The following C16orf78 variants were observed in gnomAD, a reference collection of about 807,000 sequenced individuals.
The protein encoded by C16orf78 is chromosome 16 open reading frame 78.
A neutral mutation model predicts 27.3 loss-of-function variants in C16orf78; 19 were observed. That is an observed-to-expected ratio of 0.70 (90% CI 0.49 to 1.02). The LOEUF (loss-of-function observed/expected upper bound fraction) is 1.02, where lower values mean the gene tolerates loss of function less well. C16orf78 is among the 50% of genes least tolerant of loss of function. The pLI, the probability that C16orf78 is intolerant of heterozygous loss-of-function variation, is 0.00. For missense variants in C16orf78, 339 were observed against 337.0 expected (o/e 1.01, Z -0.05); for synonymous variants, 130 against 116.1 (o/e 1.12, Z -0.77).
chr16:49,376,366 T>C (rs1302305502), intron 1 of C16orf78, among the ~76,000 whole-genome samples: 1 of 152,196 alleles, frequency 6.6e-6, no homozygotes, highest in Non-Finnish European at 1.5e-5. Flanking sequence ...CATCGCCATG[T>C]CAATTCCGCT....
At chr16:49,396,744 C>T in intron 4 of C16orf78, 66 bp downstream of exon 4, 1 of 1,549,848 alleles carries the variant, frequency 6.5e-7, no homozygotes, top group Non-Finnish European at 8.6e-7. Flanking sequence ...CACTCTTGTC[C>T]CTGGCTCAAA....
In C16orf78 at chr16:49,391,688, G is replaced by A. The variant is rs187946131; in HGVS notation, c.395-4735G>A. Among the ~76,000 whole-genome samples, 10 of 152,318 alleles carry A rather than the reference G, an allele frequency of 6.6e-5. No homozygotes were observed. In the East Asian group the frequency reaches 1.7e-3, roughly 26 times the overall value. On this transcript the variant is annotated intron_variant, in intron 3 of 4. Coordinates refer to ENST00000299191, the MANE Select transcript of C16orf78 (RefSeq NM_144602.4). The stretch of plus-strand genomic sequence containing the variant: ...CCAGAAAGCCCTTGAACACTGCCTG[G>A]TATGTGAGTCACTCAACACATGTTA...
intron 2 of C16orf78, among the ~76,000 whole-genome samples, chr16:49,378,069 C>T (rs571855527): frequency 3.9e-5 from 6 of 152,196 alleles, no homozygotes; most frequent in Non-Finnish European, 7.4e-5. Context: ...ATTCTTCACA[C>T]GTGTCACATC....
intron 3 of C16orf78, among the ~76,000 whole-genome samples, chr16:49,387,761 A>G (rs146922967): frequency 7.6e-4 from 115 of 152,238 alleles, no homozygotes; most frequent in African/African-American, 2.6e-3. Flanking sequence ...TCAGGGATTC[A>G]GTTTCTTCCT....
chr16:49,378,121 C>T (rs1298422213), intron 2 of C16orf78, among the ~76,000 whole-genome samples: 1 of 152,160 alleles, frequency 6.6e-6, no homozygotes, highest in Non-Finnish European at 1.5e-5. Flanking sequence ...TCAAGAAGGC[C>T]ACTTGGAAGA....
At chr16:49,376,734 A>G (rs1310270507) in intron 1 of C16orf78, among the ~76,000 whole-genome samples, 1 of 151,994 alleles carries the variant, frequency 6.6e-6, no homozygotes, top group African/African-American at 2.4e-5. Flanking sequence ...GCATGTCGTA[A>G]TTCAGTTATT....
chr16:49,386,672 C>G (rs755582431), intron 3 of C16orf78, among the ~76,000 whole-genome samples: 6 of 152,132 alleles, frequency 3.9e-5, no homozygotes, highest in Admixed American at 6.5e-5. Flanking sequence ...TCATTTGTCT[C>G]CCACTTATTA....
chr16:49,392,702 C>T (rs1049942525), intron 3 of C16orf78, among the ~76,000 whole-genome samples: 7 of 152,056 alleles, frequency 4.6e-5, no homozygotes, highest in African/African-American at 1.4e-4. Context: ...TATTTTATTT[C>T]GACTTTTAGG....
chr16:49,381,026 G>T (rs1185335144), intron 3 of C16orf78, among the ~76,000 whole-genome samples: 1 of 150,566 alleles, frequency 6.6e-6, no homozygotes, highest in Non-Finnish European at 1.5e-5. Context: ...TGCTGTTTTG[G>T]TTACTGTAGC....
At chr16:49,385,540 A>G (rs1458138790) in intron 3 of C16orf78, among the ~76,000 whole-genome samples, 1 of 151,936 alleles carries the variant, frequency 6.6e-6, no homozygotes, top group Admixed American at 6.6e-5. Flanking sequence ...CATGCGCCTC[A>G]GCTACTCGGG....
intron 3 of C16orf78, among the ~76,000 whole-genome samples, chr16:49,380,166 C>T (rs1012282710): frequency 5.3e-5 from 8 of 152,282 alleles, no homozygotes; most frequent in Non-Finnish European, 8.8e-5. Context: ...GCTGCACTGT[C>T]GGCTTCCCTA....
intron 4 of C16orf78, among the ~76,000 whole-genome samples, chr16:49,398,162 G>A (rs957027244): frequency 6.6e-6 from 1 of 152,152 alleles, no homozygotes; most frequent in Non-Finnish European, 1.5e-5. Flanking sequence ...TTGGTGAGGG[G>A]GTCTGAGCTG....
chr16:49,396,254 AG>A (rs1391064132), intron 3 of C16orf78, among the ~76,000 whole-genome samples, 168 bp from the exon 4 acceptor site: 1 of 152,124 alleles, frequency 6.6e-6, no homozygotes, highest in African/African-American at 2.4e-5. Flanking sequence ...AAAAAAAGAA[AG>A]GGGAGAAGGG....
intron 1 of C16orf78, 148 bp downstream of exon 1, chr16:49,374,237 A>C: frequency 1.1e-6 from 1 of 930,980 alleles, no homozygotes; most frequent in Non-Finnish European, 1.6e-6. Context: ...CAAGGACATT[A>C]AGGGGGTGGG....
intron 3 of C16orf78, among the ~76,000 whole-genome samples, chr16:49,379,546 T>C (rs1340122001): frequency 6.6e-6 from 1 of 152,062 alleles, no homozygotes; most frequent in Non-Finnish European, 1.5e-5. Flanking sequence ...GTGACCAAAT[T>C]GCAGTCACTT....
chr16:49,374,221 A>C lies in C16orf78; in HGVS notation c.150+132A>C. 3.6e-6 allele frequency: 4 copies of C among 1,099,288 alleles called. No individual in the cohort carries two copies. The South Asian group carries it at 6.5e-5, about 18-fold the overall frequency. The allele number at this position is 1,099,288 out of a possible 1,614,324, so 68.1% of individuals were successfully genotyped here. ...GAAGTGCTGGGATAAGCTAGTGAGA[A>C]CTACCCAAGGACATTAAGGGGGTGG... On this transcript the variant is annotated intron_variant, in intron 1 of 4. Transcript: ENST00000299191.
intron 3 of C16orf78, among the ~76,000 whole-genome samples, chr16:49,391,524 T>C (rs1174058230): frequency 6.6e-6 from 1 of 152,212 alleles, no homozygotes; most frequent in Non-Finnish European, 1.5e-5. Flanking sequence ...AAAAAGGCTC[T>C]GACAATGTGG....
chr16:49,391,924 G>A (rs1271857889), intron 3 of C16orf78, among the ~76,000 whole-genome samples: 2 of 152,124 alleles, frequency 1.3e-5, no homozygotes, highest in African/African-American at 2.4e-5. Context: ...GGACTGCTGA[G>A]GCCACCTGAC....
intron 3 of C16orf78, among the ~76,000 whole-genome samples, chr16:49,384,270 C>T (rs771284703): frequency 1.3e-5 from 2 of 150,722 alleles, no homozygotes; most frequent in African/African-American, 2.4e-5. Context: ...ATCACTTGAA[C>T]CCAGGAGGCA....
Sources: gnomAD v4.1 joint callset for allele counts (sites outside exome capture counted in the v4.1 genomes callset) on GRCh38, gnomAD v4.1.1 for gene constraint, MANE v1.5 for transcripts, NCBI Gene and HGNC (gene_info 2026-07-23, HGNC 2026-07-21) for gene names.